Variants in DDR2 observed in about 807,000 individuals in gnomAD.
DDR2 encodes the protein discoidin domain receptor tyrosine kinase 2.
A neutral mutation model predicts 94.9 loss-of-function variants in DDR2; 27 were observed. That is an observed-to-expected ratio of 0.28 (90% CI 0.21 to 0.39). The LOEUF (loss-of-function observed/expected upper bound fraction) is 0.39, where lower values mean the gene tolerates loss of function less well. DDR2 is among the 10% of genes least tolerant of loss of function. DDR2 has a pLI of 1.00. For missense variants in DDR2, 783 were observed against 1,076.0 expected (o/e 0.73, Z 3.81); for synonymous variants, 382 against 377.2 (o/e 1.01, Z -0.15).
intron 2 of DDR2, among the ~76,000 whole-genome samples, chr1:162,656,782 C>T (rs1409279538): frequency 7.0e-6 from 1 of 143,694 alleles, no homozygotes; most frequent in African/African-American, 2.6e-5. Flanking sequence ...ATTTGTTCCG[C>T]TTTACCTTTC....
intron 2 of DDR2, among the ~76,000 whole-genome samples, chr1:162,696,288 G>C (rs1660185648): frequency 6.7e-6 from 1 of 149,730 alleles, no homozygotes; most frequent in Non-Finnish European, 1.5e-5. Flanking sequence ...TCTCTAAATT[G>C]TGAGTGTGGT....
chr1:162,672,654 C>T (rs1658921529), intron 2 of DDR2, among the ~76,000 whole-genome samples: 1 of 152,114 alleles, frequency 6.6e-6, no homozygotes. Flanking sequence ...GATGGTGCCT[C>T]TAAATAAGTA....
intron 2 of DDR2, among the ~76,000 whole-genome samples, chr1:162,680,409 G>C (rs1052506121): frequency 6.6e-5 from 10 of 152,150 alleles, no homozygotes; most frequent in African/African-American, 2.4e-4. Context: ...CCTAGTGCTT[G>C]GTTTTGTTGA....
At chr1:162,706,108 C>CT (rs1660649756) in intron 2 of DDR2, among the ~76,000 whole-genome samples, 1 of 152,150 alleles carries the variant, frequency 6.6e-6, no homozygotes, top group South Asian at 2.1e-4. Context: ...GAAGAAGTGC[C>CT]ATGGTGAAGA....
At chr1:162,685,645 C>T (rs1243305005) in intron 2 of DDR2, among the ~76,000 whole-genome samples, 1 of 152,030 alleles carries the variant, frequency 6.6e-6, no homozygotes, top group African/African-American at 2.4e-5. Context: ...CTGTAATATC[C>T]TAAGAGACTG....
intron 2 of DDR2, among the ~76,000 whole-genome samples, chr1:162,688,921 AC>A (rs1289567259): frequency 2.6e-5 from 4 of 152,280 alleles, no homozygotes; most frequent in African/African-American, 9.6e-5. Flanking sequence ...GGGGGCTCAT[AC>A]CCTGGTGCTC....
intron 7 of DDR2, among the ~76,000 whole-genome samples, chr1:162,759,321 A>C (rs992048942): frequency 6.6e-6 from 1 of 152,210 alleles, no homozygotes; most frequent in East Asian, 1.9e-4. Flanking sequence ...GAGAGTCAGC[A>C]CCAAGCTCTG....
intron 2 of DDR2, among the ~76,000 whole-genome samples, chr1:162,709,382 G>A (rs1660796018): frequency 6.6e-6 from 1 of 152,340 alleles, no homozygotes; most frequent in Non-Finnish European, 1.5e-5. Context: ...AGCGTGATAA[G>A]AGAACAAGTG....
At chr1:162,750,575 T>A (rs1311308951) in intron 3 of DDR2, among the ~76,000 whole-genome samples, 2 of 152,150 alleles carry the variant, frequency 1.3e-5, no homozygotes, top group East Asian at 3.8e-4. Context: ...CTGCCCAAGG[T>A]AATTTATAGA....
At chr1:162,759,704 G>T in intron 7 of DDR2, 92 bp from the exon 8 acceptor site, 2 of 1,437,526 alleles carry the variant, frequency 1.4e-6, no homozygotes, top group Non-Finnish European at 1.9e-6. Context: ...TACAAAATCT[G>T]GAGTGAAGAT....
intron 3 of DDR2, among the ~76,000 whole-genome samples, chr1:162,747,967 A>C (rs1571282917): frequency 6.6e-6 from 1 of 152,156 alleles, no homozygotes; most frequent in African/African-American, 2.4e-5. Context: ...TTTTGTCACC[A>C]CCAGGCCTGC....
chr1:162,635,978 T>C (rs1188274594), intron 1 of DDR2, among the ~76,000 whole-genome samples: 2 of 152,256 alleles, frequency 1.3e-5, no homozygotes, highest in African/African-American at 4.8e-5. Context: ...GAAGCTGAGA[T>C]GTCCAGATAC....
chr1:162,726,445 C>T (rs1571248382), intron 3 of DDR2, among the ~76,000 whole-genome samples: 2 of 152,104 alleles, frequency 1.3e-5, no homozygotes, highest in South Asian at 4.1e-4. Flanking sequence ...GGTGAATTCC[C>T]GGTTCATACC....
chr1:162,712,325 A>C (rs2102016663), intron 2 of DDR2, among the ~76,000 whole-genome samples: 1 of 151,516 alleles, frequency 6.6e-6, no homozygotes, highest in African/African-American at 2.4e-5. Flanking sequence ...CAGAATGTTC[A>C]GATAACTTAC....
intron 3 of DDR2, among the ~76,000 whole-genome samples, chr1:162,727,191 ATATATTTATATTTTG>A (rs1411357237): frequency 7.1e-6 from 1 of 141,342 alleles, no homozygotes; most frequent in East Asian, 2.1e-4. Flanking sequence ...AAATATAAAC[ATATATTTATATTTTG>A]TAAATATAAA....
intron 2 of DDR2, among the ~76,000 whole-genome samples, chr1:162,697,272 G>A (rs1660237183): frequency 6.6e-6 from 1 of 152,104 alleles, no homozygotes; most frequent in Admixed American, 6.6e-5. Context: ...CACTGCAGGA[G>A]TGCACAGAGC....
At chr1:162,758,930 A>C (rs575176201) in intron 7 of DDR2, among the ~76,000 whole-genome samples, 6 of 152,252 alleles carry the variant, frequency 3.9e-5, no homozygotes, top group African/African-American at 1.4e-4. Flanking sequence ...CCTCCATAAA[A>C]AGAAGGAAGG....
At chr1:162,651,509 A>G (rs1657690548) in intron 1 of DDR2, among the ~76,000 whole-genome samples, 1 of 152,100 alleles carries the variant, frequency 6.6e-6, no homozygotes, top group East Asian at 1.9e-4. Flanking sequence ...TTCTTTTAGC[A>G]CCTTGTTCTT....
chr1:162,777,668 T>C (rs1204439273), intron 16 of DDR2: 1 of 152,214 alleles, frequency 6.6e-6, no homozygotes, highest in Non-Finnish European at 1.5e-5. Flanking sequence ...AATGGTCTTA[T>C]TAACCAGAAG....
Sources: gnomAD v4.1 joint callset for allele counts (sites outside exome capture counted in the v4.1 genomes callset) on GRCh38, gnomAD v4.1.1 for gene constraint, MANE v1.5 for transcripts, NCBI Gene and HGNC (gene_info 2026-07-23, HGNC 2026-07-21) for gene names.